WIPF3: variants seen among roughly 807,000 people sequenced by gnomAD.
The protein encoded by WIPF3 is WAS/WASL interacting protein family member 3.
A neutral mutation model predicts 38.9 loss-of-function variants in WIPF3; 33 were observed. That is an observed-to-expected ratio of 0.85 (90% CI 0.64 to 1.14). The LOEUF (loss-of-function observed/expected upper bound fraction) is 1.14, where lower values mean the gene tolerates loss of function less well. Ranked by LOEUF, WIPF3 falls within the 50% of genes most tolerant of loss-of-function variation. WIPF3 has a pLI of 0.00. For missense variants in WIPF3, 711 were observed against 652.5 expected (o/e 1.09, Z -0.98); for synonymous variants, 324 against 269.3 (o/e 1.20, Z -1.99).
chr7:29,908,862 C>T (rs934421311), intron 8 of WIPF3, among the ~76,000 whole-genome samples: 6 of 148,932 alleles, frequency 4.0e-5, no homozygotes, highest in South Asian at 4.2e-4. Flanking sequence ...AAGCCAAGAC[C>T]GTGCCATTGC....
chr7:29,896,511 G>A (rs1275863100), intron 7 of WIPF3, among the ~76,000 whole-genome samples: 1 of 152,200 alleles, frequency 6.6e-6, no homozygotes, highest in Non-Finnish European at 1.5e-5. Flanking sequence ...AGCTACCTGG[G>A]AGGCTGAGGT....
At position 29,883,898 on chromosome 7, in the gene WIPF3, TTCCC is replaced by T; in HGVS notation, c.405_408del (p.Pro136ThrfsTer16). Reference sequence around the variant, plus strand: ...GGCTCCCGCGCGCCCTCTCCCAGGCTTCCCAACAAAACCATCAGCGGCCCGCTTA... The same window carrying T: ...GGCTCCCGCGCGCCCTCTCCCAGGCTAACAAAACCATCAGCGGCCCGCTTA... On this transcript the variant is annotated frameshift_variant, in exon 5 of 9. Transcript: ENST00000242140. LOFTEE classifies it high-confidence loss of function. The T allele has an allele frequency of 6.3e-7, 1 of 1,576,564 alleles. No homozygotes were observed. Among genetic ancestry groups the T allele is most frequent in the South Asian group, 1.2e-5 (1 of 85,226 alleles).
chr7:29,850,363 A>G (rs897205904), intron 2 of WIPF3, among the ~76,000 whole-genome samples: 4 of 152,222 alleles, frequency 2.6e-5, no homozygotes, highest in Non-Finnish European at 4.4e-5. Context: ...TGAAGGAAAA[A>G]CGGAAGAGAA....
chr7:29,833,084 G>A (rs532603155), intron 1 of WIPF3, among the ~76,000 whole-genome samples: 1 of 152,196 alleles, frequency 6.6e-6, no homozygotes, highest in African/African-American at 2.4e-5. Context: ...AATGTTGTAT[G>A]GTTCCACATA....
Position 29,879,077 on chromosome 7 carries a change from C to A in WIPF3, c.292C>A (p.Leu98Met). ...NTRGASTPPT[L>M]GDLFAGGFPV... The stretch of plus-strand genomic sequence containing the variant: ...ACGAGGCGCGAGCACACCTCCCACC[C>A]TGGGAGATCTGTTTGCTGGTGGCTT... Residue 98 changes from leucine to methionine, a missense_variant, in exon 4 of 9, where the codon CTG becomes ATG. Coordinates refer to ENST00000242140, the MANE Select transcript of WIPF3 (RefSeq NM_001080529.3). 6.2e-7 allele frequency: 1 copy of A among 1,611,450 alleles called. No homozygotes were observed. Among genetic ancestry groups the A allele is most frequent in the Non-Finnish European group, 8.5e-7 (1 of 1,178,770 alleles).
At chr7:29,895,316 T>C (rs1008400485) in intron 7 of WIPF3, among the ~76,000 whole-genome samples, 1 of 152,212 alleles carries the variant, frequency 6.6e-6, no homozygotes, top group Admixed American at 6.5e-5. Context: ...GACCCATCAA[T>C]TCCACTCTTG....
At chr7:29,885,016 G>T (rs1210748679) in intron 5 of WIPF3, among the ~76,000 whole-genome samples, 1 of 152,168 alleles carries the variant, frequency 6.6e-6, no homozygotes, top group Non-Finnish European at 1.5e-5. Context: ...CGTGAGTGTG[G>T]CTTGTTTCCA....
At chr7:29,911,633 A>G (rs1439154101) in intron 8 of WIPF3, among the ~76,000 whole-genome samples, 1 of 152,204 alleles carries the variant, frequency 6.6e-6, no homozygotes, top group African/African-American at 2.4e-5. Context: ...AAACCCTTGC[A>G]TGTATGGTCA....
intron 1 of WIPF3, among the ~76,000 whole-genome samples, chr7:29,822,492 C>T (rs1343509746): frequency 1.3e-5 from 2 of 152,174 alleles, no homozygotes; most frequent in Non-Finnish European, 2.9e-5. Flanking sequence ...TTGCCTTTGC[C>T]ATCTTCTCTG....
At chr7:29,870,163 C>A (rs773285332) in intron 2 of WIPF3, among the ~76,000 whole-genome samples, 9 of 152,096 alleles carry the variant, frequency 5.9e-5, no homozygotes, top group Non-Finnish European at 1.3e-4. Flanking sequence ...AAGCCAAGGT[C>A]TTGAGGTGAG....
chr7:29,884,386 C>CCCCTTT lies in WIPF3; in HGVS notation c.893_894insCCTTTC (p.Pro298_Tyr299insLeuSer). ...TCCCGCCCCGCCGCCCCCGCTCCCC[C>CCCCTTT]CTTATGCTTCTTGCTCCCCGAGGGC... On this transcript the variant is annotated inframe_insertion, in exon 5 of 9. Transcript: ENST00000242140. 2.0e-6 allele frequency: 3 copies of CCCCTTT among 1,498,256 alleles called. No individual in the cohort carries two copies. Among genetic ancestry groups the CCCCTTT allele is most frequent in the South Asian group, 2.6e-5 (2 of 77,218 alleles). The allele number at this position is 1,498,256 out of a possible 1,614,324, so 92.8% of individuals were successfully genotyped here.
intron 2 of WIPF3, among the ~76,000 whole-genome samples, chr7:29,868,603 T>C (rs1785434713): frequency 6.6e-6 from 1 of 151,596 alleles, no homozygotes; most frequent in Non-Finnish European, 1.5e-5. Flanking sequence ...ATATATACAG[T>C]GATGCATCGA....
chr7:29,888,954 C>T (rs541171876), intron 6 of WIPF3, among the ~76,000 whole-genome samples: 1 of 152,334 alleles, frequency 6.6e-6, no homozygotes, highest in Non-Finnish European at 1.5e-5. Flanking sequence ...TTTGCCAGTT[C>T]CTTGTTGGGA....
intron 4 of WIPF3, among the ~76,000 whole-genome samples, chr7:29,881,245 T>C (rs996720740): frequency 6.6e-6 from 1 of 152,236 alleles, no homozygotes; most frequent in Non-Finnish European, 1.5e-5. Context: ...ACCTGACATA[T>C]CATGTATTCA....
intron 1 of WIPF3, among the ~76,000 whole-genome samples, chr7:29,826,031 A>G (rs1784610361): frequency 6.6e-6 from 1 of 152,178 alleles, no homozygotes; most frequent in Admixed American, 6.5e-5. Flanking sequence ...TTCCAAGTAC[A>G]GTAGCATTTG....
chr7:29,884,148 C>G lies in WIPF3; in HGVS notation c.654C>G (p.Pro218=), dbSNP rs957124467. ...TKGNLPVVAP[P]VPCAPPPPPP... ...GGAACCTCCCGGTGGTTGCACCCCC[C>G]GTCCCCTGTGCGCCACCACCTCCAC... Residue 218 remains proline, a synonymous_variant, in exon 5 of 9, where the codon CCC becomes CCG. Transcript: ENST00000242140. The G allele has an allele frequency of 3.3e-6, 5 of 1,532,408 alleles. No individual in the cohort carries two copies. The Admixed American group carries it at 6.1e-5, about 19-fold the overall frequency. The allele number at this position is 1,532,408 out of a possible 1,614,324, so 94.9% of individuals were successfully genotyped here. A position where few individuals can be genotyped will look rare whatever the true frequency, so the allele number is the denominator to read the frequency against.
At chr7:29,892,007 G>A (rs892895208) in intron 7 of WIPF3, among the ~76,000 whole-genome samples, 2 of 152,178 alleles carry the variant, frequency 1.3e-5, no homozygotes, top group African/African-American at 2.4e-5. Flanking sequence ...ACAGACTGCC[G>A]GAGGTGCAAG....
intron 8 of WIPF3, among the ~76,000 whole-genome samples, chr7:29,909,904 AAAGAAAAAG>A (rs1370473414): frequency 4.3e-5 from 2 of 45,986 alleles, no homozygotes; most frequent in Non-Finnish European, 1.4e-4. Flanking sequence ...TCAAAAAAAA[AAAGAAAAAG>A]AAGATAGAGA....
At chr7:29,826,060 A>G (rs938743964) in intron 1 of WIPF3, among the ~76,000 whole-genome samples, 1 of 152,220 alleles carries the variant, frequency 6.6e-6, no homozygotes. Context: ...CAGCCTGCTG[A>G]AATTAAATGA....
Sources: gnomAD v4.1 joint callset for allele counts (sites outside exome capture counted in the v4.1 genomes callset) on GRCh38, gnomAD v4.1.1 for gene constraint, MANE v1.5 for transcripts, NCBI Gene and HGNC (gene_info 2026-07-23, HGNC 2026-07-21) for gene names.